Variants in NUMA1 observed in about 807,000 individuals in gnomAD.
NUMA1 encodes the protein nuclear mitotic apparatus protein 1.
A neutral mutation model predicts 237.1 loss-of-function variants in NUMA1; 62 were observed. The ratio of observed to expected loss-of-function variants is 0.26; its 90% CI spans 0.21 to 0.32. The LOEUF (loss-of-function observed/expected upper bound fraction) is 0.32. Ranked by LOEUF, NUMA1 falls within the 10% of genes least tolerant of loss-of-function variation. NUMA1 has a pLI of 1.00. For synonymous variants in NUMA1, 1,028 were observed against 1,066.1 expected (o/e 0.96, Z 0.70); for missense variants, 2,533 against 2,666.5 (o/e 0.95, Z 1.10).
chr11:72,057,075 C>CA (rs35648032), intron 2 of NUMA1, among the ~76,000 whole-genome samples: 2,122 of 90,440 alleles, frequency 0.023, 17 homozygotes, highest in Middle Eastern at 0.061. Context: ...ATTAAAAAAG[C>CA]AAAAAAAAAA....
chr11:72,072,743 T>G (rs1191013643), intron 1 of NUMA1, among the ~76,000 whole-genome samples: 1 of 152,144 alleles, frequency 6.6e-6, no homozygotes, highest in East Asian at 1.9e-4. Flanking sequence ...TCCTCCAATT[T>G]GCCAGAGGAA....
rs1956470854 is a variant in NUMA1 at position 72,015,530 on chromosome 11, C to G, written c.1973G>C (p.Cys658Ser). The part of the protein sequence containing the change: ...LSRKVEELQA[C>S]VETARQEQHE... ...CTGTTCCTGGCGGGCTGTCTCAACA[C>G]AGGCCTGGAGTTCCTCCACCTTCCG... Residue 658 changes from cysteine (C) to serine (S), a missense_variant, in exon 15 of 27, where the codon TGT (cysteine) becomes TCT (serine). By Grantham distance (112) the Cys-to-Ser change is moderately radical. Transcript: ENST00000393695. The surrounding 1 kb of genome is among the most constrained non-coding windows in gnomAD (Gnocchi z 4.0). 1.2e-6 allele frequency: 2 copies of G among 1,613,558 alleles called. No homozygotes were observed. The highest frequency in any genetic ancestry group is 1.7e-6 in the Non-Finnish European group (2 of 1,180,028).
At chr11:72,046,683 G>A (rs917083257) in intron 2 of NUMA1, among the ~76,000 whole-genome samples, 1 of 152,078 alleles carries the variant, frequency 6.6e-6, no homozygotes, top group Admixed American at 6.6e-5. Context: ...AGGGAGGGCT[G>A]GGCACAGTGG....
chr11:72,003,893 C>T lies in NUMA1; in HGVS notation c.6330G>A (p.Lys2110=), dbSNP rs1955456414. 6.2e-7 allele frequency: 1 copy of T among 1,613,666 alleles called. No individual in the cohort carries two copies. Among genetic ancestry groups the T allele is most frequent in the Non-Finnish European group, 8.5e-7 (1 of 1,179,892 alleles). Reference sequence around the variant, plus strand: ...ATCCTGCCAGTGCCTCTACCTTGCCCTTGGCTCGAGGGGTGGCACCAATGG... The same window carrying T: ...ATCCTGCCAGTGCCTCTACCTTGCCTTTGGCTCGAGGGGTGGCACCAATGG... ...AAAIGATPRA[K]GKAKH is the part of the protein sequence containing the mutation. The change falls in exon 26 of 27, where the codon AAG becomes AAA. Residue 2110 remains lysine (K), a synonymous_variant. Coordinates refer to ENST00000393695, the MANE Select transcript of NUMA1 (RefSeq NM_006185.4).
At chr11:72,043,300 A>G (rs1941803137) in intron 2 of NUMA1, among the ~76,000 whole-genome samples, 2 of 151,812 alleles carry the variant, frequency 1.3e-5, no homozygotes, top group African/African-American at 4.8e-5. Context: ...TGTTTCTACC[A>G]AAAAATACAA....
In NUMA1 at chr11:72,003,189, A is replaced by C. The variant is rs1955378757; in HGVS notation, c.*338T>G. 5.1e-6 allele frequency: 2 copies of C among 390,750 alleles called. No individual in the cohort carries two copies. The highest frequency in any genetic ancestry group is 4.0e-5 in the African/African-American group (2 of 49,910). The allele number at this position is 390,750 out of a possible 1,614,324, so 24.2% of individuals were successfully genotyped here. On this transcript the variant is annotated 3_prime_UTR_variant, in exon 27 of 27. Coordinates refer to ENST00000393695, the MANE Select transcript of NUMA1 (RefSeq NM_006185.4). ...CTCTTATGGTCCCTTCTAGATCCAGAGGCTAAGAGGAAGACTGGCCAGGCC... is the reference window on the plus strand; with the variant it reads ...CTCTTATGGTCCCTTCTAGATCCAGCGGCTAAGAGGAAGACTGGCCAGGCC...
At chr11:72,068,522 G>C (rs1478809420) in intron 2 of NUMA1, 1 of 152,416 alleles carries the variant, frequency 6.6e-6, no homozygotes, top group Non-Finnish European at 1.5e-5. Context: ...TAGGGAGGCT[G>C]AGGCAGGAGA....
At chr11:72,048,159 C>T (rs575283940) in intron 2 of NUMA1, among the ~76,000 whole-genome samples, 369 of 152,164 alleles carry the variant, frequency 2.4e-3, no homozygotes, top group African/African-American at 8.5e-3. Context: ...TGCAGTGCTG[C>T]GATCTCCGCT....
intron 2 of NUMA1, among the ~76,000 whole-genome samples, chr11:72,055,317 T>C (rs947982078): frequency 6.6e-6 from 1 of 152,156 alleles, no homozygotes; most frequent in Non-Finnish European, 1.5e-5. Context: ...TATTTTCACT[T>C]TACCAAAGAG....
chr11:72,004,477 TCCTTC>T, intron 24 of NUMA1, 136 bp from the exon 25 acceptor site: 1 of 1,200,486 alleles, frequency 8.3e-7, no homozygotes, highest in South Asian at 1.3e-5. Context: ...CTGGGCCAGA[TCCTTC>T]CCTTCCCAAC....
At chr11:72,049,560 A>AAATATATAT (rs1555034474) in intron 2 of NUMA1, 4 of 41,004 alleles carry the variant, frequency 9.8e-5, no homozygotes, top group Admixed American at 2.9e-4. Flanking sequence ...AAATAATAAT[A>AAATATATAT]ATATATATAT....
At chr11:72,069,219 T>C (rs530348074) in intron 2 of NUMA1, among the ~76,000 whole-genome samples, 1 of 152,336 alleles carries the variant, frequency 6.6e-6, no homozygotes, top group African/African-American at 2.4e-5. Context: ...TATATAATGA[T>C]AAATTTTGGC....
chr11:72,078,120 C>T (rs985979122), intron 1 of NUMA1, among the ~76,000 whole-genome samples: 1 of 152,216 alleles, frequency 6.6e-6, no homozygotes, highest in Admixed American at 6.5e-5. Context: ...CCTGCTCCTC[C>T]TGCCTCAGCC....
chr11:72,018,632 T>C, intron 10 of NUMA1, 119 bp from the exon 11 acceptor site: 1 of 1,056,608 alleles, frequency 9.5e-7, no homozygotes, highest in South Asian at 1.5e-5. Flanking sequence ...AGAGGAGGAA[T>C]ATGGTATCCA....
intron 20 of NUMA1, 106 bp from the exon 21 acceptor site, chr11:72,007,541 G>A: frequency 7.3e-7 from 1 of 1,375,006 alleles, no homozygotes. Context: ...AGCAGATGAG[G>A]TCAAGCAGCC....
At chr11:72,007,046 C>T in intron 21 of NUMA1, 143 bp downstream of exon 21, 1 of 997,922 alleles carries the variant, frequency 1.0e-6, no homozygotes, top group South Asian at 1.6e-5. Flanking sequence ...AGTCACTGCC[C>T]TTTTTAAGAC....
At chr11:72,063,864 A>T (rs1022662255) in intron 2 of NUMA1, among the ~76,000 whole-genome samples, 1 of 150,238 alleles carries the variant, frequency 6.7e-6, no homozygotes, top group African/African-American at 2.5e-5. Context: ...CTGAAGCCAT[A>T]ATAAGCTGTG....
intron 4 of NUMA1, among the ~76,000 whole-genome samples, chr11:72,026,617 G>A (rs6592456): frequency 0.93 from 141,070 of 152,254 alleles, 65,603 homozygotes; most frequent in Non-Finnish European, 0.98. Flanking sequence ...TGGCCAAGCA[G>A]TTAAACCCTC....
chr11:72,052,650 G>A (rs1942433115), intron 2 of NUMA1, among the ~76,000 whole-genome samples: 1 of 152,062 alleles, frequency 6.6e-6, no homozygotes, highest in Non-Finnish European at 1.5e-5. Flanking sequence ...TGTAATCCCA[G>A]CTACTCAGGA....
Sources: allele counts gnomAD v4.1 joint callset (sites outside exome capture counted in the v4.1 genomes callset), GRCh38; gene constraint gnomAD v4.1.1; non-coding constraint Gnocchi (gnomAD v3.1); transcripts MANE v1.5; gene names NCBI Gene and HGNC (gene_info 2026-07-23, HGNC 2026-07-21).